Variants in TNR observed in about 807,000 individuals in gnomAD.
TNR encodes tenascin-R.
Under a neutral mutation model 150.4 loss-of-function variants are expected in TNR, and 45 were observed. The ratio of observed to expected loss-of-function variants is 0.30; its 90% confidence interval spans 0.24 to 0.38. The LOEUF is 0.38. TNR is among the 10% of genes least tolerant of loss of function. The pLI is 1.00. For missense variants in TNR, 1,544 were observed against 1,759.1 expected (o/e 0.88, Z 2.19); for synonymous variants, 687 against 678.4 (o/e 1.01, Z -0.20).
intron 1 of TNR, among the ~76,000 whole-genome samples, chr1:175,570,097 T>C (rs1013797560): frequency 1.3e-5 from 2 of 152,190 alleles, no homozygotes; most frequent in South Asian, 4.1e-4. Flanking sequence ...ATTCCATCTA[T>C]AGGTTTTGTA....
intron 1 of TNR, among the ~76,000 whole-genome samples, chr1:175,635,855 T>C (rs1406670558): frequency 2.0e-5 from 3 of 152,160 alleles, no homozygotes; most frequent in South Asian, 2.1e-4. Context: ...TTTAGAAATA[T>C]GAAAAATCCA....
rs769696320 is a variant in TNR at position 175,324,440 on chromosome 1, G to A, written c.3873C>T (p.Ala1291=). The A allele has an allele frequency of 1.7e-5, 27 of 1,613,966 alleles. No individual in the cohort carries two copies. Among genetic ancestry groups the A allele is most frequent in the Non-Finnish European group, 2.0e-5 (24 of 1,180,004 alleles). ...ACCACCATGCTCCCTTGTACGACATGGCACAGTTAGTCACTGCAACATCAT... is the reference window on the plus strand; with the variant it reads ...ACCACCATGCTCCCTTGTACGACATAGCACAGTTAGTCACTGCAACATCAT... ...RDNDVAVTNC[A]MSYKGAWWYK... Residue 1291 remains alanine, a synonymous_variant, in exon 22 of 23, where the codon GCC becomes GCT. Transcript: ENST00000367674.
intron 4 of TNR, among the ~76,000 whole-genome samples, chr1:175,397,623 G>T (rs1005652352): frequency 1.3e-5 from 2 of 152,188 alleles, no homozygotes; most frequent in African/African-American, 4.8e-5. Context: ...CATTATTGTA[G>T]AATTTTCCCT....
chr1:175,676,933 G>A (rs886152284), intron 1 of TNR, among the ~76,000 whole-genome samples: 6 of 152,292 alleles, frequency 3.9e-5, no homozygotes, highest in Admixed American at 3.3e-4. Flanking sequence ...ACACTGGGAG[G>A]AGGCAAGCAT....
At chr1:175,536,895 C>G (rs1415763113) in intron 1 of TNR, among the ~76,000 whole-genome samples, 2 of 152,188 alleles carry the variant, frequency 1.3e-5, no homozygotes, top group Non-Finnish European at 1.5e-5. Flanking sequence ...TGGGAATGTC[C>G]TTCTTGGCCA....
At chr1:175,522,467 G>A (rs1043944697) in intron 2 of TNR, among the ~76,000 whole-genome samples, 1 of 152,156 alleles carries the variant, frequency 6.6e-6, no homozygotes, top group African/African-American at 2.4e-5. Context: ...TACTGCTCAG[G>A]TGATGGGTGC....
At chr1:175,596,077 T>C (rs1662993965) in intron 1 of TNR, among the ~76,000 whole-genome samples, 1 of 152,158 alleles carries the variant, frequency 6.6e-6, no homozygotes, top group Admixed American at 6.5e-5. Context: ...CATTGGAAAA[T>C]TCACACTCGT....
intron 1 of TNR, among the ~76,000 whole-genome samples, chr1:175,688,390 A>G (rs535420888): frequency 6.6e-6 from 1 of 152,364 alleles, no homozygotes; most frequent in East Asian, 1.9e-4. Flanking sequence ...GAGGCTTGCT[A>G]TTCCGTTTTG....
At chr1:175,687,530 T>A (rs1666240285) in intron 1 of TNR, among the ~76,000 whole-genome samples, 1 of 152,048 alleles carries the variant, frequency 6.6e-6, no homozygotes, top group Admixed American at 6.5e-5. Context: ...TTCCTTTCCT[T>A]TTCTTTCTCC....
intron 1 of TNR, among the ~76,000 whole-genome samples, chr1:175,579,436 G>A (rs989246950): frequency 1.3e-5 from 2 of 152,038 alleles, no homozygotes; most frequent in Non-Finnish European, 2.9e-5. Context: ...CGGAAGATAG[G>A]TGGGACTGGC....
At chr1:175,571,091 A>G (rs1036134795) in intron 1 of TNR, among the ~76,000 whole-genome samples, 1 of 152,172 alleles carries the variant, frequency 6.6e-6, no homozygotes, top group Non-Finnish European at 1.5e-5. Flanking sequence ...CCCATCTAAC[A>G]CCTCAACCTT....
chr1:175,547,652 GA>G (rs201436003), intron 1 of TNR, among the ~76,000 whole-genome samples: 1 of 106,442 alleles, frequency 9.4e-6, no homozygotes, highest in Non-Finnish European at 2.0e-5. Flanking sequence ...AGAAAGAAAG[GA>G]AGAAGAAAGA....
At chr1:175,650,169 G>A (rs1230371853) in intron 1 of TNR, among the ~76,000 whole-genome samples, 3 of 152,020 alleles carry the variant, frequency 2.0e-5, no homozygotes, top group Admixed American at 6.6e-5. Context: ...GTCCTGGGAG[G>A]CCAGGAGTTC....
chr1:175,342,467 G>A lies in TNR; in HGVS notation c.3383-4788C>T, dbSNP rs183231473. On this transcript the variant is annotated intron_variant, in intron 18 of 22. Transcript: ENST00000367674. ...GGTGGGATGGAGGAAAGAGAGTGCT[G>A]GGGAGGTAAGCAGGGATGGGATCAT... 8.5e-5 allele frequency among the ~76,000 whole-genome samples: 13 copies of A among 152,294 alleles called. No individual in the cohort carries two copies. In the East Asian group the frequency reaches 2.5e-3, roughly 29 times the overall value.
At chr1:175,538,957 A>G (rs1660395667) in intron 1 of TNR, 1 of 152,274 alleles carries the variant, frequency 6.6e-6, no homozygotes, top group South Asian at 2.1e-4. Flanking sequence ...GGACAAGGCC[A>G]TCCTCATGGG....
intron 1 of TNR, among the ~76,000 whole-genome samples, chr1:175,555,333 A>G (rs1661110326): frequency 6.6e-6 from 1 of 152,132 alleles, no homozygotes; most frequent in Non-Finnish European, 1.5e-5. Context: ...CTTTAGAAGC[A>G]CATTTTCTAG....
chr1:175,425,584 T>C (rs1406496453), intron 2 of TNR, among the ~76,000 whole-genome samples: 1 of 152,176 alleles, frequency 6.6e-6, no homozygotes. Flanking sequence ...ATCTATGATG[T>C]CAGTTCCTGG....
At chr1:175,447,948 A>T (rs936254932) in intron 2 of TNR, among the ~76,000 whole-genome samples, 8 of 152,236 alleles carry the variant, frequency 5.3e-5, no homozygotes, top group Non-Finnish European at 7.3e-5. Context: ...GGCATGTAGA[A>T]AGGGCTCAAT....
At position 175,582,149 on chromosome 1, in the gene TNR, C is replaced by T. The variant is rs180751369; in HGVS notation, c.-164-53780G>A. Among the ~76,000 whole-genome samples the T allele has an allele frequency of 9.2e-5, 14 of 152,254 alleles. No individual in the cohort carries two copies. In the East Asian group the frequency reaches 1.4e-3, roughly 15 times the overall value. ...CATGACTTTTCCTTTATAGGTAATG[C>T]CTTTTTACCTACAACTCTTTCACCT... is the stretch of plus-strand genomic sequence containing the variant. On this transcript the variant is annotated intron_variant, in intron 1 of 22. Transcript: ENST00000367674.
Sources: allele counts gnomAD v4.1 joint callset (sites outside exome capture counted in the v4.1 genomes callset), GRCh38; gene constraint gnomAD v4.1.1; transcripts MANE v1.5; gene names NCBI Gene and HGNC (gene_info 2026-07-23, HGNC 2026-07-21).